Variants in TYROBP observed in about 807,000 individuals in gnomAD.
TYROBP encodes the protein TYRO protein tyrosine kinase-binding protein.
TYROBP carries 14 observed loss-of-function variants against 17.1 expected under a neutral mutation model. That is an observed-to-expected ratio of 0.82 (90% CI 0.54 to 1.28). The LOEUF is 1.28. Ranked by LOEUF, TYROBP falls within the 50% of genes most tolerant of loss-of-function variation. TYROBP has a pLI of 0.00. For missense variants in TYROBP, 161 were observed against 151.4 expected (o/e 1.06, Z -0.33); for synonymous variants, 73 against 67.4 (o/e 1.08, Z -0.41).
chr19:35,907,384 T>TTGCCCGCCC, intron 3 of TYROBP, 62 bp downstream of exon 3: 2 of 1,599,470 alleles, frequency 1.3e-6, no homozygotes, highest in Non-Finnish European at 1.7e-6. Context: ...TCTGGGAGTT[T>TTGCCCGCCC]ACCCAGCCCC....
intron 4 of TYROBP, 91 bp downstream of exon 4, chr19:35,907,127 C>T: frequency 1.5e-6 from 2 of 1,345,816 alleles, no homozygotes; most frequent in Non-Finnish European, 2.1e-6. Context: ...GGCAGAGTGG[C>T]TTTGAGGTCC....
chr19:35,907,852 C>T lies in TYROBP; in HGVS notation c.62-90G>A, dbSNP rs1329101901. 5 of 1,408,204 alleles carry T rather than the reference C, an allele frequency of 3.6e-6. No individual in the cohort carries two copies. In the East Asian group the frequency reaches 7.1e-5, roughly 20 times the overall value. 87.2% of individuals were successfully genotyped at this position (1,408,204 alleles called of 1,614,324 possible). ...AGAAGCCAGGGAAGGTGGATCCTGA[C>T]AGCCAAGAGGTTAGCAAGGGGGAGA... On this transcript the variant is annotated intron_variant, in intron 1 of 4. Coordinates refer to ENST00000262629, the MANE Select transcript of TYROBP (RefSeq NM_003332.4).
At chr19:35,906,393 A>C in intron 4 of TYROBP, among the ~76,000 whole-genome samples, 1 of 152,064 alleles carries the variant, frequency 6.6e-6, no homozygotes, top group South Asian at 2.1e-4. Flanking sequence ...CTGGCCAAAA[A>C]AAAATTTTTT....
chr19:35,904,981 C>G (rs1975687937), intron 4 of TYROBP, among the ~76,000 whole-genome samples: 1 of 150,702 alleles, frequency 6.6e-6, no homozygotes, highest in South Asian at 2.1e-4. Flanking sequence ...AAAAAAAAGC[C>G]TGTTTATTTC....
intron 4 of TYROBP, 52 bp from the exon 5 acceptor site, chr19:35,904,686 C>T (rs963492691): frequency 1.3e-6 from 2 of 1,571,526 alleles, no homozygotes; most frequent in East Asian, 2.3e-5. Flanking sequence ...AAAATCCAGC[C>T]TTCTCCCAGT....
chr19:35,906,265 AT>A (rs1975722796), intron 4 of TYROBP, among the ~76,000 whole-genome samples: 1 of 151,660 alleles, frequency 6.6e-6, no homozygotes, highest in African/African-American at 2.4e-5. Context: ...TAATTTTTGT[AT>A]TTTTAGTAGA....
At position 35,907,600 on chromosome 19, in the gene TYROBP, G is replaced by C; in HGVS notation, c.95-20C>G. The C allele has an allele frequency of 6.2e-7, 1 of 1,614,086 alleles. No individual in the cohort carries two copies. The highest frequency in any genetic ancestry group is 8.5e-7 in the Non-Finnish European group (1 of 1,180,020). On this transcript the variant is annotated intron_variant, in intron 2 of 4. Coordinates refer to ENST00000262629, the MANE Select transcript of TYROBP (RefSeq NM_003332.4). ...TGCAATCTGCAGCACAGGGGTCAGG[G>C]GAGGTCAGTGTGTGCTGGGAACTGT...
At chr19:35,904,962 TAAAAA>T (rs78604543) in intron 4 of TYROBP, among the ~76,000 whole-genome samples, 10,779 of 132,394 alleles carry the variant, frequency 0.081, 934 homozygotes, top group African/African-American at 0.22. Context: ...CCAGCCACTG[TAAAAA>T]AAAAAAAAAA....
At position 35,904,618 on chromosome 19, in the gene TYROBP, C is replaced by T. The variant is rs1035693535; in HGVS notation, c.293G>A (p.Arg98Lys). The T allele has an allele frequency of 6.2e-7, 1 of 1,613,352 alleles. No individual in the cohort carries two copies. Among genetic ancestry groups the T allele is most frequent in the Non-Finnish European group, 8.5e-7 (1 of 1,179,742 alleles). Residue 98 changes from arginine to lysine, a missense_variant, in exon 5 of 5, where the codon AGG (arginine) becomes AAG (lysine). Arg to Lys is a conservative substitution (Grantham distance 26). Transcript: ENST00000262629. ...ESPYQELQGQ[R>K]SDVYSDLNTQ... ...GTTGAGGTCGCTGTAGACATCCGAC[C>T]TCTGACCCTGGAGCTCCTAAAGGAA...
At chr19:35,905,606 A>G (rs1352757210) in intron 4 of TYROBP, among the ~76,000 whole-genome samples, 1 of 151,536 alleles carries the variant, frequency 6.6e-6, no homozygotes, top group Non-Finnish European at 1.5e-5. Flanking sequence ...TGAGCCCAGG[A>G]GTTTGAGACC....
In TYROBP at chr19:35,904,565, G is replaced by T. The variant is rs758119257; in HGVS notation, c.*4C>A. 1 of 1,613,378 alleles carries T rather than the reference G, an allele frequency of 6.2e-7. No homozygotes were observed. Among genetic ancestry groups the T allele is most frequent in the South Asian group, 1.1e-5 (1 of 90,860 alleles). ...ATCATGTTGCTGACTGTCATGATTCGGGCTCATTTGTAATACGGCCTCTGT... is the reference window on the plus strand; with the variant it reads ...ATCATGTTGCTGACTGTCATGATTCTGGCTCATTTGTAATACGGCCTCTGT... On this transcript the variant is annotated 3_prime_UTR_variant, in exon 5 of 5. Coordinates refer to ENST00000262629, the MANE Select transcript of TYROBP (RefSeq NM_003332.4).
At position 35,908,279 on chromosome 19, in the gene TYROBP, G is replaced by A. The variant is rs775695088; in HGVS notation, c.-51C>T. 2.0e-5 allele frequency: 30 copies of A among 1,529,912 alleles called. 1 individual carries two copies. Among genetic ancestry groups the A allele is most frequent in the Admixed American group, 8.4e-5 (5 of 59,766 alleles). The allele number at this position is 1,529,912 out of a possible 1,614,324, so 94.8% of individuals were successfully genotyped here. A position where few individuals can be genotyped will look rare whatever the true frequency, so the allele number is the denominator to read the frequency against. The stretch of plus-strand genomic sequence containing the variant: ...AGTGTAAGGGCCGGTGGGATGTGGC[G>A]CAGCGTCCAGGCAAGTGAAGGAGGA... On this transcript the variant is annotated 5_prime_UTR_variant, in exon 1 of 5. Transcript: ENST00000262629.
rs73928359 is a variant in TYROBP at position 35,904,935 on chromosome 19, T to C, written c.277-301A>G. ...GCATTTCTCAATTTCCCCTCTGTAG[T>C]TTCTTCCCCCCACACTCCAGCCACT... is the stretch of plus-strand genomic sequence containing the variant. On this transcript the variant is annotated intron_variant, in intron 4 of 4. Coordinates refer to ENST00000262629, the MANE Select transcript of TYROBP (RefSeq NM_003332.4). Among the ~76,000 whole-genome samples the C allele has an allele frequency of 6.0e-3, 911 of 151,042 alleles. 8 individuals are homozygous for C. Among genetic ancestry groups the C allele is most frequent in the African/African-American group, 0.021 (847 of 40,682 alleles).
Position 35,904,541 on chromosome 19 carries a change from T to C in TYROBP, c.*28A>G. Reference sequence around the variant, plus strand: ...CTTCAGGAATGGCTGGATCCAGGTATCATGTTGCTGACTGTCATGATTCGG... The same window carrying C: ...CTTCAGGAATGGCTGGATCCAGGTACCATGTTGCTGACTGTCATGATTCGG... On this transcript the variant is annotated 3_prime_UTR_variant, in exon 5 of 5. Transcript: ENST00000262629. 6.2e-7 allele frequency: 1 copy of C among 1,611,646 alleles called. No homozygotes were observed. The highest frequency in any genetic ancestry group is 1.3e-5 in the African/African-American group (1 of 74,946).
rs1449848446 is a variant in TYROBP at position 35,908,287 on chromosome 19, C to T, written c.-59G>A. The T allele has an allele frequency of 1.3e-6, 2 of 1,490,800 alleles. No individual in the cohort carries two copies. The highest frequency in any genetic ancestry group is 2.3e-5 in the East Asian group (1 of 44,198). The allele number at this position is 1,490,800 out of a possible 1,614,324, so 92.3% of individuals were successfully genotyped here. ...GGCCGGTGGGATGTGGCGCAGCGTC[C>T]AGGCAAGTGAAGGAGGAAGTCTGAG... On this transcript the variant is annotated 5_prime_UTR_variant, in exon 1 of 5. Coordinates refer to ENST00000262629, the MANE Select transcript of TYROBP (RefSeq NM_003332.4).
chr19:35,904,726 G>A lies in TYROBP; in HGVS notation c.277-92C>T, dbSNP rs987543417. The A allele has an allele frequency of 5.3e-6, 6 of 1,133,732 alleles. No homozygotes were observed. In the South Asian group the frequency reaches 7.8e-5, roughly 15 times the overall value. The allele number at this position is 1,133,732 out of a possible 1,614,324, so 70.2% of individuals were successfully genotyped here. A position where few individuals can be genotyped will look rare whatever the true frequency, so the allele number is the denominator to read the frequency against. On this transcript the variant is annotated intron_variant, in intron 4 of 4. Transcript: ENST00000262629. ...TGCAAGGCCCCTGGCAGCTTCTTCA[G>A]CCTTATAGCCATGAAAGAGATCCGG...
chr19:35,905,082 A>G (rs1387727245), intron 4 of TYROBP, among the ~76,000 whole-genome samples: 2 of 152,144 alleles, frequency 1.3e-5, no homozygotes, highest in Non-Finnish European at 1.5e-5. Flanking sequence ...TGTCCCCAGC[A>G]TTTAGCACTT....
chr19:35,906,225 G>C (rs944968015), intron 4 of TYROBP, among the ~76,000 whole-genome samples: 2 of 151,556 alleles, frequency 1.3e-5, no homozygotes, highest in Non-Finnish European at 2.9e-5. Context: ...TGAGAAGCTG[G>C]AATTACAGGC....
At position 35,907,659 on chromosome 19, in the gene TYROBP, A is replaced by G. The variant is rs118043958; in HGVS notation, c.94+71T>C. On this transcript the variant is annotated intron_variant, in intron 2 of 4. Coordinates refer to ENST00000262629, the MANE Select transcript of TYROBP (RefSeq NM_003332.4). ...GGGTCAGCGGCAGGGAGGTTTGGAA[A>G]GGGTGTGGGAGAGACGGAGACAGGG... 0.012 allele frequency: 18,589 copies of G among 1,612,998 alleles called. 214 individuals carry two copies. The highest frequency in any genetic ancestry group is 0.069 in the East Asian group (3,106 of 44,866).
Sources: allele counts gnomAD v4.1 joint callset (sites outside exome capture counted in the v4.1 genomes callset), GRCh38; gene constraint gnomAD v4.1.1; transcripts MANE v1.5; gene names NCBI Gene and HGNC (gene_info 2026-07-23, HGNC 2026-07-21).